The following RAB31 variants were observed in gnomAD, a reference collection of about 807,000 sequenced individuals.
RAB31 encodes the protein ras-related protein Rab-31.
In RAB31, 21 loss-of-function variants were observed where a neutral mutation model predicts 25.6. That is an observed-to-expected ratio of 0.82 (90% CI 0.58 to 1.18). The LOEUF (loss-of-function observed/expected upper bound fraction) is 1.18, where lower values mean the gene tolerates loss of function less well. Ranked by LOEUF, RAB31 falls within the 50% of genes most tolerant of loss-of-function variation. The pLI, the probability that RAB31 is intolerant of heterozygous loss-of-function variation, is 0.00. For missense variants in RAB31, 196 were observed against 250.1 expected (o/e 0.78, Z 1.46); for synonymous variants, 87 against 84.0 (o/e 1.04, Z -0.20).
At chr18:9,721,805 C>T (rs1452428729) in intron 1 of RAB31, among the ~76,000 whole-genome samples, 1 of 151,892 alleles carries the variant, frequency 6.6e-6, no homozygotes, top group Non-Finnish European at 1.5e-5. Flanking sequence ...AGGCGGTGCA[C>T]AAATACCGAG....
intron 1 of RAB31, among the ~76,000 whole-genome samples, chr18:9,736,306 A>G (rs1400950661): frequency 6.6e-6 from 1 of 152,092 alleles, no homozygotes. Context: ...TAGCATTTAG[A>G]TCCTAAACCT....
intron 5 of RAB31, among the ~76,000 whole-genome samples, chr18:9,837,769 A>T (rs2068712767): frequency 6.6e-6 from 1 of 152,176 alleles, no homozygotes; most frequent in Non-Finnish European, 1.5e-5. Flanking sequence ...TTGAGAAAGG[A>T]CTTCAAAGTA....
At chr18:9,755,507 C>T (rs1402685204) in intron 1 of RAB31, among the ~76,000 whole-genome samples, 3 of 152,200 alleles carry the variant, frequency 2.0e-5, no homozygotes, top group Admixed American at 6.5e-5. Context: ...ACTAATGTCA[C>T]GCTGTCAATT....
In RAB31 at chr18:9,737,969, T is replaced by A. The variant is rs1599018576; in HGVS notation, c.39+29525T>A. The stretch of plus-strand genomic sequence containing the variant: ...CAAGACAGGCTTACCAACAACGTGG[T>A]CCTGGCAGGCAGCCAGCCGGCCGGC... On this transcript the variant is annotated intron_variant, in intron 1 of 6. Transcript: ENST00000578921. 2.6e-5 allele frequency among the ~76,000 whole-genome samples: 4 copies of A among 152,256 alleles called. 1 individual carries two copies. Among genetic ancestry groups the A allele is most frequent in the Admixed American group, 2.6e-4 (4 of 15,288 alleles).
intron 6 of RAB31, among the ~76,000 whole-genome samples, chr18:9,855,462 CT>C (rs1369567689): frequency 6.6e-6 from 1 of 152,140 alleles, no homozygotes; most frequent in East Asian, 1.9e-4. Context: ...TGCTCTATGC[CT>C]GTGTAAATAA....
chr18:9,801,104 C>G (rs2143048432), intron 3 of RAB31, among the ~76,000 whole-genome samples: 1 of 152,256 alleles, frequency 6.6e-6, no homozygotes, highest in South Asian at 2.1e-4. Flanking sequence ...ATAAGATTAT[C>G]AAGGTTCACC....
intron 1 of RAB31, among the ~76,000 whole-genome samples, chr18:9,752,233 A>AT (rs1018769355): frequency 3.4e-4 from 52 of 150,776 alleles, no homozygotes; most frequent in Middle Eastern, 3.4e-3. Context: ...TTATTTATTT[A>AT]TTTTTTTTTG....
chr18:9,734,309 A>G (rs986267474), intron 1 of RAB31, among the ~76,000 whole-genome samples: 1 of 152,164 alleles, frequency 6.6e-6, no homozygotes, highest in African/African-American at 2.4e-5. Flanking sequence ...ATACTTGCTC[A>G]GGGCCCCGCA....
At chr18:9,835,944 C>G (rs571920553) in intron 5 of RAB31, among the ~76,000 whole-genome samples, 1 of 151,940 alleles carries the variant, frequency 6.6e-6, no homozygotes, top group Admixed American at 6.6e-5. Flanking sequence ...GGGTGCTTGC[C>G]GGAACGGGGC....
intron 5 of RAB31, chr18:9,844,761 C>T (rs908510702): frequency 2.0e-5 from 3 of 152,162 alleles, no homozygotes; most frequent in African/African-American, 7.2e-5. Context: ...GCCGTAGACC[C>T]CATCCAAGTA....
At chr18:9,712,027 C>A (rs2068020109) in intron 1 of RAB31, among the ~76,000 whole-genome samples, 1 of 152,192 alleles carries the variant, frequency 6.6e-6, no homozygotes, top group Admixed American at 6.5e-5. Context: ...GGAGGTCTTA[C>A]CTCCTGACGT....
intron 6 of RAB31, among the ~76,000 whole-genome samples, chr18:9,848,269 CCTGT>C (rs992936684): frequency 5.3e-5 from 8 of 151,964 alleles, no homozygotes; most frequent in Admixed American, 1.3e-4. Flanking sequence ...TGTCCATCTG[CCTGT>C]CTGTCTCTGT....
chr18:9,743,480 T>C (rs2068190060), intron 1 of RAB31, among the ~76,000 whole-genome samples: 1 of 152,218 alleles, frequency 6.6e-6, no homozygotes, highest in African/African-American at 2.4e-5. Flanking sequence ...GCGGGTTGAT[T>C]CACTGGAGGG....
intron 3 of RAB31, among the ~76,000 whole-genome samples, chr18:9,806,290 G>A (rs1429426422): frequency 2.0e-5 from 3 of 152,246 alleles, no homozygotes; most frequent in Non-Finnish European, 4.4e-5. Context: ...TGGTTTCACA[G>A]GGTTATTGAC....
At chr18:9,777,280 G>T (rs1402541611) in intron 2 of RAB31, among the ~76,000 whole-genome samples, 1 of 152,178 alleles carries the variant, frequency 6.6e-6, no homozygotes, top group African/African-American at 2.4e-5. Flanking sequence ...AGCTGAGATT[G>T]TATCACTGCA....
rs1489275586 is a variant in RAB31, at chr18:9,860,382, T to G, written c.*1057T>G. On this transcript the variant is annotated 3_prime_UTR_variant, in exon 7 of 7. Transcript: ENST00000578921. ...AAATCAGAAAAAGTATTTTTATGTT[T>G]CTAGCTTGAGGAGAAGGGCTTTAGG... 1 of 152,224 alleles carries G rather than the reference T, an allele frequency of 6.6e-6. No individual in the cohort carries two copies. The highest frequency in any genetic ancestry group is 2.4e-5 in the African/African-American group (1 of 41,450). The allele number at this position is 152,224 out of a possible 1,614,324, so 9.4% of individuals were successfully genotyped here.
chr18:9,761,048 C>T (rs2068286008), intron 1 of RAB31, among the ~76,000 whole-genome samples: 1 of 152,080 alleles, frequency 6.6e-6, no homozygotes, highest in South Asian at 2.1e-4. Flanking sequence ...TAGAGATTTA[C>T]TCTTAGATGG....
intron 1 of RAB31, among the ~76,000 whole-genome samples, chr18:9,741,056 G>T (rs548727516): frequency 6.6e-6 from 1 of 151,986 alleles, no homozygotes; most frequent in Non-Finnish European, 1.5e-5. Context: ...TCCTGTTGGG[G>T]CATTGTGTGC....
At position 9,862,361 on chromosome 18, in the gene RAB31, G is replaced by A. The variant is rs768308398; in HGVS notation, c.*3036G>A. 3.9e-5 allele frequency: 6 copies of A among 152,202 alleles called. No individual in the cohort carries two copies. The highest frequency in any genetic ancestry group is 8.8e-5 in the Non-Finnish European group (6 of 68,046). The allele number at this position is 152,202 out of a possible 1,614,324, so 9.4% of individuals were successfully genotyped here. On this transcript the variant is annotated 3_prime_UTR_variant, in exon 7 of 7. Coordinates refer to ENST00000578921, the MANE Select transcript of RAB31 (RefSeq NM_006868.4). ...TGTGCAAACTGCTCCTTTTTCTCGT[G>A]TTTTTGTAAAGAGCTTCCATCTGGG...
Sources: allele counts gnomAD v4.1 joint callset (sites outside exome capture counted in the v4.1 genomes callset), GRCh38; gene constraint gnomAD v4.1.1; transcripts MANE v1.5; gene names NCBI Gene and HGNC (gene_info 2026-07-23, HGNC 2026-07-21).